SPARCL1: variants seen among roughly 807,000 people sequenced by gnomAD.
SPARCL1 encodes the protein SPARC like 1.
In SPARCL1, 52 loss-of-function variants were observed where a neutral mutation model predicts 67.1. The observed-to-expected ratio is 0.78, with a 90% CI of 0.62 to 0.98. The LOEUF is 0.98. Ranked by LOEUF, SPARCL1 falls within the 50% of genes least tolerant of loss-of-function variation. SPARCL1 has a pLI of 0.00. For synonymous variants in SPARCL1, 226 were observed against 267.8 expected, an observed-to-expected ratio of 0.84 and a Z score of 1.52; for missense variants, 717 against 782.4, an observed-to-expected ratio of 0.92 and a Z score of 1.00.
intron 10 of SPARCL1, among the ~76,000 whole-genome samples, chr4:87,475,965 A>G (rs1723567318): frequency 6.6e-6 from 1 of 152,210 alleles, no homozygotes; most frequent in African/African-American, 2.4e-5. Context: ...CAAAGATATA[A>G]AATCAATGTA....
chr4:87,515,280 A>G (rs556741977), intron 1 of SPARCL1, among the ~76,000 whole-genome samples: 86 of 152,350 alleles, frequency 5.6e-4, no homozygotes, highest in African/African-American at 1.9e-3. Context: ...TTCTTCATCT[A>G]CAAAACAGGA....
In SPARCL1 at chr4:87,504,084, A is replaced by T. The variant is rs867429977; in HGVS notation, c.-11-4499T>A. Among the ~76,000 whole-genome samples, 13 of 149,278 alleles carry T rather than the reference A, an allele frequency of 8.7e-5. 1 individual carries two copies. In the Middle Eastern group the frequency reaches 0.021, roughly 241 times the overall value. ...GGGTGGGCCACCTGGACCAGGGAACAGTCAGTTGGAAGAATAGAGAGTAAA... is the reference window on the plus strand; with the variant it reads ...GGGTGGGCCACCTGGACCAGGGAACTGTCAGTTGGAAGAATAGAGAGTAAA... On this transcript the variant is annotated intron_variant, in intron 1 of 10. Coordinates refer to ENST00000282470, the MANE Select transcript of SPARCL1 (RefSeq NM_004684.6).
rs146503589 is a variant in SPARCL1, at chr4:87,485,049, C to T, written c.1532-2489G>A. Among the ~76,000 whole-genome samples the T allele has an allele frequency of 1.4e-3, 215 of 151,880 alleles. 1 individual carries two copies. The highest frequency in any genetic ancestry group is 0.014 in the Middle Eastern group (4 of 294). On this transcript the variant is annotated intron_variant, in intron 7 of 10. Coordinates refer to ENST00000282470, the MANE Select transcript of SPARCL1 (RefSeq NM_004684.6). The stretch of plus-strand genomic sequence containing the variant: ...GACTTCCTGTCTTCCTATTTGAATA[C>T]GCTTTATTTCTTTCTCTTGCCTGAC...
chr4:87,480,337 A>G (rs878903730), intron 9 of SPARCL1, 35 bp downstream of exon 9: 3 of 1,518,610 alleles, frequency 2.0e-6, no homozygotes, highest in Non-Finnish European at 2.7e-6. Flanking sequence ...TATCAGAGAG[A>G]TAAATCTAGA....
chr4:87,480,819 G>GC (rs1431056618), intron 8 of SPARCL1, among the ~76,000 whole-genome samples: 62 of 117,048 alleles, frequency 5.3e-4, no homozygotes, highest in African/African-American at 2.5e-3. Context: ...AATGTTCGCT[G>GC]CTTTTTTTTT....
At chr4:87,524,294 C>G (rs975944238) in intron 1 of SPARCL1, among the ~76,000 whole-genome samples, 5 of 152,108 alleles carry the variant, frequency 3.3e-5, no homozygotes, top group African/African-American at 1.2e-4. Context: ...TCTGAGGCCT[C>G]TATTCATTAT....
At position 87,485,299 on chromosome 4, in the gene SPARCL1, C is replaced by A. The variant is rs62319119; in HGVS notation, c.1532-2739G>T. On this transcript the variant is annotated intron_variant, in intron 7 of 10. Coordinates refer to ENST00000282470, the MANE Select transcript of SPARCL1 (RefSeq NM_004684.6). ...AAGGGATACTGAATTTTGTTGAAGA[C>A]CTTTTCTGCATCTATTGAGATAATC... Among the ~76,000 whole-genome samples the A allele has an allele frequency of 4.0e-3, 603 of 152,166 alleles. 4 individuals are homozygous for A. Among genetic ancestry groups the A allele is most frequent in the Non-Finnish European group, 7.4e-3 (503 of 67,994 alleles).
chr4:87,485,348 G>A (rs150179047), intron 7 of SPARCL1, among the ~76,000 whole-genome samples: 1,777 of 152,238 alleles, frequency 0.012, 15 homozygotes, highest in Non-Finnish European at 0.02. Flanking sequence ...CATTAGTTCT[G>A]TTTATGTGAT....
intron 3 of SPARCL1, 67 bp downstream of exon 3, chr4:87,494,914 C>T: frequency 2.9e-6 from 4 of 1,379,514 alleles, no homozygotes; most frequent in South Asian, 1.3e-5. Flanking sequence ...TCTCTTTTAC[C>T]ATGCTTTGAA....
At chr4:87,495,162 G>A (rs1264578583) in intron 2 of SPARCL1, 35 bp from the exon 3 acceptor site, 3 of 1,575,576 alleles carry the variant, frequency 1.9e-6, no homozygotes, top group African/African-American at 2.8e-5. Context: ...TGTTATTCAT[G>A]TCTGGATGCT....
At chr4:87,520,955 C>T (rs542550021) in intron 1 of SPARCL1, among the ~76,000 whole-genome samples, 11 of 152,310 alleles carry the variant, frequency 7.2e-5, no homozygotes, top group South Asian at 4.1e-4. Flanking sequence ...GTTTGGCATA[C>T]ACTAAAACAC....
Position 87,490,883 on chromosome 4 carries a change from C to T in SPARCL1, c.1292-5G>A, listed in dbSNP as rs1724299619. ...ACTGGAAGCTCATGCAAGAATCTAA[C>T]AGAAAAGATTGGGCAGGAAGCATGG... is the stretch of plus-strand genomic sequence containing the variant. On this transcript the variant is annotated splice_region_variant and splice_polypyrimidine_tract_variant and intron_variant, in intron 5 of 10. Coordinates refer to ENST00000282470, the MANE Select transcript of SPARCL1 (RefSeq NM_004684.6). The T allele has an allele frequency of 3.3e-6, 5 of 1,529,190 alleles. No individual in the cohort carries two copies. Among genetic ancestry groups the T allele is most frequent in the Non-Finnish European group, 3.6e-6 (4 of 1,117,068 alleles). 94.7% of individuals were successfully genotyped at this position (1,529,190 alleles called of 1,614,324 possible).
In SPARCL1 at chr4:87,482,505, G is replaced by A. The variant is rs1313997166; in HGVS notation, c.1587C>T (p.Asp529=). The A allele has an allele frequency of 1.9e-6, 3 of 1,614,030 alleles. No homozygotes were observed. Among genetic ancestry groups the A allele is most frequent in the Non-Finnish European group, 2.5e-6 (3 of 1,179,918 alleles). Residue 529 remains aspartate (D), a synonymous_variant, in exon 8 of 11, where the codon GAC becomes GAT. Transcript: ENST00000282470. The stretch of plus-strand genomic sequence containing the variant: ...GCTGCATGAGGATATTCTTGAGCCA[G>A]TCTCTCATCCGTAGAGGAAACTGAA... The part of the protein sequence containing the change: ...EVIQFPLRMR[D]WLKNILMQLY...
At chr4:87,476,946 CA>C (rs1723607509) in intron 10 of SPARCL1, among the ~76,000 whole-genome samples, 3 of 152,188 alleles carry the variant, frequency 2.0e-5, no homozygotes, top group African/African-American at 7.2e-5. Flanking sequence ...CATTCCAAAG[CA>C]GTAAGTTGTT....
intron 4 of SPARCL1, among the ~76,000 whole-genome samples, chr4:87,491,955 CAA>C (rs68120318): frequency 0.057 from 727 of 12,670 alleles, 11 homozygotes; most frequent in African/African-American, 0.29. Context: ...CCCCCCCCCC[CAA>C]AAAAAAAAAA....
rs181529256 is a variant in SPARCL1 at position 87,483,036 on chromosome 4, G to A, written c.1532-476C>T. On this transcript the variant is annotated intron_variant, in intron 7 of 10. Transcript: ENST00000282470. ...GCTACAAGTCCAATACAAGTTGGCAGGAGGGCTCTGCTCATTGCAGTCTCC... is the reference window on the plus strand; with the variant it reads ...GCTACAAGTCCAATACAAGTTGGCAAGAGGGCTCTGCTCATTGCAGTCTCC... Among the ~76,000 whole-genome samples, 455 of 151,744 alleles carry A rather than the reference G, an allele frequency of 3.0e-3. 1 individual carries two copies. The highest frequency in any genetic ancestry group is 0.01 in the African/African-American group (429 of 41,332).
intron 1 of SPARCL1, among the ~76,000 whole-genome samples, chr4:87,516,749 G>A (rs1291189878): frequency 6.6e-6 from 1 of 152,192 alleles, no homozygotes; most frequent in Non-Finnish European, 1.5e-5. Flanking sequence ...GGCGAAACTA[G>A]TCCATTCCTC....
chr4:87,499,415 A>G, intron 2 of SPARCL1, 106 bp downstream of exon 2: 1 of 940,300 alleles, frequency 1.1e-6, no homozygotes, highest in Non-Finnish European at 1.7e-6. Flanking sequence ...ATTAAAATAA[A>G]AAGAGAATTT....
chr4:87,482,381 C>G lies in SPARCL1; in HGVS notation c.1668+43G>C, dbSNP rs764331778. 1.9e-6 allele frequency: 3 copies of G among 1,603,182 alleles called. No individual in the cohort carries two copies. The Admixed American group carries it at 5.0e-5, about 27-fold the overall frequency. On this transcript the variant is annotated intron_variant, in intron 8 of 10. Transcript: ENST00000282470. ...CCCACCACGTCTTTCTTCCTCATGC[C>G]CTGTAGACAGACATTGAAGAAGCTA...
Sources: allele counts gnomAD v4.1 joint callset (sites outside exome capture counted in the v4.1 genomes callset), GRCh38; gene constraint gnomAD v4.1.1; transcripts MANE v1.5; gene names NCBI Gene and HGNC (gene_info 2026-07-23, HGNC 2026-07-21).